Variants in SYNPR observed in about 807,000 individuals in gnomAD.
SYNPR encodes the protein synaptoporin.
In SYNPR, 23 loss-of-function variants were observed where a neutral mutation model predicts 32.9. That is an observed-to-expected ratio of 0.70 (90% confidence interval 0.50 to 0.99). The LOEUF (loss-of-function observed/expected upper bound fraction) is 0.99. Ranked by LOEUF, SYNPR falls within the 50% of genes least tolerant of loss-of-function variation. The pLI is 0.00. For missense variants in SYNPR, 318 were observed against 349.3 expected, an observed-to-expected ratio of 0.91 and a Z score of 0.71; for synonymous variants, 146 against 135.9, an observed-to-expected ratio of 1.07 and a Z score of -0.52.
At chr3:63,265,345 A>G (rs7642204) in intron 2 of SYNPR, among the ~76,000 whole-genome samples, 130,999 of 150,122 alleles carry the variant, frequency 0.87, 57,850 homozygotes, top group African/African-American at 0.96. Context: ...TCCGCCTCCC[A>G]GGCTCAAGTG....
rs150447991 is a variant in SYNPR at position 63,578,025 on chromosome 3, A to G, written c.408+21284A>G. Reference sequence around the variant, plus strand: ...TTCTTGAAGGCTTACTACATGACAGACACAAACTAAGTGCTTCACATGCAC... The same window carrying G: ...TTCTTGAAGGCTTACTACATGACAGGCACAAACTAAGTGCTTCACATGCAC... On this transcript the variant is annotated intron_variant, in intron 4 of 5. Transcript: ENST00000478300. Among the ~76,000 whole-genome samples the G allele has an allele frequency of 6.0e-4, 92 of 152,306 alleles. 1 individual carries two copies. The Middle Eastern group carries it at 0.01, about 17-fold the overall frequency.
At chr3:63,611,465 G>A (rs1202031892) in intron 5 of SYNPR, among the ~76,000 whole-genome samples, 1 of 152,120 alleles carries the variant, frequency 6.6e-6, no homozygotes. Flanking sequence ...AAATTGTTTG[G>A]CTTCAAATCA....
At chr3:63,445,559 A>AAGAGTC (rs1700261117) in intron 2 of SYNPR, 2 of 701,374 alleles carry the variant, frequency 2.9e-6, no homozygotes, top group African/African-American at 1.7e-5. Context: ...TGAAGAATGC[A>AAGAGTC]AGAGTCATTT....
intron 4 of SYNPR, among the ~76,000 whole-genome samples, chr3:63,557,450 A>G (rs1372955099): frequency 6.6e-6 from 1 of 152,130 alleles, no homozygotes; most frequent in Non-Finnish European, 1.5e-5. Context: ...TTATTTACCA[A>G]CTCAAGTCTT....
intron 2 of SYNPR, among the ~76,000 whole-genome samples, chr3:63,410,350 T>G (rs11710162): frequency 0.39 from 58,592 of 152,014 alleles, 11,781 homozygotes; most frequent in Middle Eastern, 0.5. Flanking sequence ...AATACTGCTT[T>G]CTGTCATCTC....
At chr3:63,363,617 C>T (rs958515393) in intron 2 of SYNPR, among the ~76,000 whole-genome samples, 2 of 152,140 alleles carry the variant, frequency 1.3e-5, no homozygotes, top group Non-Finnish European at 2.9e-5. Context: ...CTCTGATCCT[C>T]GTTTTCTTCT....
At chr3:63,533,251 CTCTATCA>C (rs2106791848) in intron 3 of SYNPR, among the ~76,000 whole-genome samples, 1 of 152,200 alleles carries the variant, frequency 6.6e-6, no homozygotes, top group East Asian at 1.9e-4. Context: ...TAATGGTTAC[CTCTATCA>C]TTATCAAATG....
chr3:63,436,008 C>T (rs748379972), intron 2 of SYNPR, among the ~76,000 whole-genome samples: 6 of 152,102 alleles, frequency 3.9e-5, no homozygotes, highest in Non-Finnish European at 8.8e-5. Flanking sequence ...CCACTGTATC[C>T]ACAGAGTGAT....
chr3:63,364,364 T>C (rs1437949537), intron 2 of SYNPR, among the ~76,000 whole-genome samples: 2 of 152,208 alleles, frequency 1.3e-5, no homozygotes, highest in African/African-American at 4.8e-5. Flanking sequence ...GAGCTTAATG[T>C]CAATTCACAG....
intron 2 of SYNPR, among the ~76,000 whole-genome samples, chr3:63,474,183 G>T (rs114499613): frequency 0.018 from 2,720 of 152,250 alleles, 76 homozygotes; most frequent in African/African-American, 0.061. Flanking sequence ...AAGAACATTG[G>T]AGATTTTACC....
At chr3:63,430,375 C>CAG (rs749831038) in intron 2 of SYNPR, among the ~76,000 whole-genome samples, 25 of 94,638 alleles carry the variant, frequency 2.6e-4, no homozygotes, top group African/African-American at 7.4e-4. Flanking sequence ...CACACACACA[C>CAG]ACACACACAC....
intron 3 of SYNPR, among the ~76,000 whole-genome samples, chr3:63,520,019 C>A (rs1220410109): frequency 6.6e-6 from 1 of 152,068 alleles, no homozygotes; most frequent in Non-Finnish European, 1.5e-5. Context: ...ATATAAATCT[C>A]CAAATTTGGA....
intron 4 of SYNPR, among the ~76,000 whole-genome samples, chr3:63,595,747 A>ATATATATATAATTT (rs1559546200): frequency 4.2e-5 from 2 of 47,400 alleles, no homozygotes; most frequent in Non-Finnish European, 6.5e-5. Flanking sequence ...ATATATATAT[A>ATATATATATAATTT]TATATATATA....
chr3:63,602,678 G>T (rs75847913), intron 4 of SYNPR, among the ~76,000 whole-genome samples: 3 of 152,102 alleles, frequency 2.0e-5, no homozygotes, highest in African/African-American at 7.2e-5. Context: ...TTATTTCTAG[G>T]CTTTCTATTC....
intron 2 of SYNPR, among the ~76,000 whole-genome samples, chr3:63,457,048 A>T (rs912592066): frequency 6.6e-6 from 1 of 152,084 alleles, no homozygotes; most frequent in African/African-American, 2.4e-5. Context: ...GTCGCTGTAT[A>T]TAGTCATAAG....
At chr3:63,374,556 A>G (rs758630980) in intron 2 of SYNPR, among the ~76,000 whole-genome samples, 5 of 152,172 alleles carry the variant, frequency 3.3e-5, no homozygotes, top group Non-Finnish European at 7.3e-5. Flanking sequence ...CCTATATAAC[A>G]CACCTGCACA....
At chr3:63,256,292 C>T (rs1278564641) in intron 2 of SYNPR, among the ~76,000 whole-genome samples, 14 of 152,196 alleles carry the variant, frequency 9.2e-5, no homozygotes, top group Admixed American at 8.5e-4. Context: ...CCATGACCCC[C>T]GAGTAGCCTA....
At chr3:63,454,440 T>C (rs1171644496) in intron 2 of SYNPR, among the ~76,000 whole-genome samples, 4 of 152,206 alleles carry the variant, frequency 2.6e-5, no homozygotes, top group Non-Finnish European at 5.9e-5. Flanking sequence ...GTGTAACTAT[T>C]GCAGGTTTAT....
At chr3:63,463,596 G>A (rs1442991561) in intron 2 of SYNPR, among the ~76,000 whole-genome samples, 1 of 152,094 alleles carries the variant, frequency 6.6e-6, no homozygotes, top group Admixed American at 6.6e-5. Context: ...TGAATCTCTG[G>A]GTTGGTCTGT....
Sources: allele counts gnomAD v4.1 joint callset (sites outside exome capture counted in the v4.1 genomes callset), GRCh38; gene constraint gnomAD v4.1.1; transcripts MANE v1.5; gene names NCBI Gene and HGNC (gene_info 2026-07-23, HGNC 2026-07-21).